Variants in ZNF322 observed in about 807,000 individuals in gnomAD.
ZNF322 encodes zinc finger protein 322, also known as HLA complex group 12.
A neutral mutation model predicts 18.3 loss-of-function variants in ZNF322; 1 was observed. That is an observed-to-expected ratio of 0.05 (90% CI 0.02 to 0.26). The LOEUF is 0.26. Ranked by LOEUF, ZNF322 falls within the 10% of genes least tolerant of loss-of-function variation. ZNF322 has a pLI of 1.00. For synonymous variants in ZNF322, 17 were observed against 130.7 expected (o/e 0.13, Z 5.93); for missense variants, 36 against 403.6 (o/e 0.09, Z 7.80).
intron 2 of ZNF322, among the ~76,000 whole-genome samples, chr6:26,653,335 A>G (rs1163203913): frequency 6.6e-6 from 1 of 152,220 alleles, no homozygotes; most frequent in African/African-American, 2.4e-5. Flanking sequence ...AAAACTAGAT[A>G]TACATTTACT....
chr6:26,649,686 TA>T lies in ZNF322; in HGVS notation c.-245-5959del, dbSNP rs782659430. 5.3e-4 allele frequency among the ~76,000 whole-genome samples: 45 copies of T among 84,190 alleles called. 2 individuals carry two copies. Among genetic ancestry groups the T allele is most frequent in the African/African-American group, 1.2e-3 (23 of 19,258 alleles). The allele number at this position is 84,190 out of a possible 152,430, so 55.2% of individuals were successfully genotyped here. ...GTGTGTGTGTGTGTGTATATATATA[TA>T]TATATATATATATATTTTTTTTTTT... On this transcript the variant is annotated intron_variant, in intron 2 of 3. Coordinates refer to ENST00000415922, the MANE Select transcript of ZNF322 (RefSeq NM_024639.5).
chr6:26,646,073 A>C (rs956552441), intron 2 of ZNF322, among the ~76,000 whole-genome samples: 5 of 134,944 alleles, frequency 3.7e-5, no homozygotes, highest in Admixed American at 7.6e-5. Context: ...ATAAATAAAT[A>C]AATCTAAGTA....
chr6:26,649,420 T>C (rs1554148954), intron 2 of ZNF322, among the ~76,000 whole-genome samples: 3 of 151,686 alleles, frequency 2.0e-5, no homozygotes, highest in Non-Finnish European at 2.9e-5. Context: ...CACATGAAAA[T>C]AGGTACAATT....
At chr6:26,648,945 C>T (rs782204285) in intron 2 of ZNF322, among the ~76,000 whole-genome samples, 1 of 152,148 alleles carries the variant, frequency 6.6e-6, no homozygotes, top group Non-Finnish European at 1.5e-5. Context: ...GCCCACAGGC[C>T]AATTCTGGCC....
chr6:26,639,494 G>T (rs1243264288), intron 3 of ZNF322, among the ~76,000 whole-genome samples: 1 of 152,018 alleles, frequency 6.6e-6, no homozygotes, highest in African/African-American at 2.4e-5. Flanking sequence ...GTAAAAAAAA[G>T]TTTTTTCCTC....
intron 2 of ZNF322, among the ~76,000 whole-genome samples, chr6:26,647,154 A>C (rs1581492467): frequency 6.6e-6 from 1 of 152,074 alleles, no homozygotes; most frequent in Non-Finnish European, 1.5e-5. Flanking sequence ...TAAATAAATA[A>C]GTAGGTATGG....
At chr6:26,646,304 C>T (rs1554148752) in intron 2 of ZNF322, among the ~76,000 whole-genome samples, 1 of 151,946 alleles carries the variant, frequency 6.6e-6, no homozygotes, top group Non-Finnish European at 1.5e-5. Context: ...TAACTATATG[C>T]TAAATACAAG....
chr6:26,651,375 A>G (rs1339039781), intron 2 of ZNF322: 1 of 152,136 alleles, frequency 6.6e-6, no homozygotes, highest in East Asian at 1.9e-4. Context: ...TTACATATGG[A>G]GTATAAAACA....
At chr6:26,640,493 G>GCT (rs1222168922) in intron 3 of ZNF322, among the ~76,000 whole-genome samples, 3 of 151,838 alleles carry the variant, frequency 2.0e-5, no homozygotes, top group African/African-American at 7.3e-5. Flanking sequence ...AATCTTCAAG[G>GCT]CTCTCTCTCT....
At chr6:26,645,837 G>A (rs1468976936) in intron 2 of ZNF322, among the ~76,000 whole-genome samples, 1 of 151,968 alleles carries the variant, frequency 6.6e-6, no homozygotes, top group Admixed American at 6.6e-5. Flanking sequence ...TTCGAGACCA[G>A]CCTGACCAAC....
chr6:26,638,953 G>A (rs1364966780), intron 3 of ZNF322, among the ~76,000 whole-genome samples: 2 of 152,038 alleles, frequency 1.3e-5, no homozygotes, highest in Non-Finnish European at 2.9e-5. Context: ...TATGAATCTG[G>A]GTAATTTTAA....
intron 2 of ZNF322, among the ~76,000 whole-genome samples, chr6:26,655,626 T>C (rs535355410): frequency 2.6e-5 from 4 of 152,352 alleles, no homozygotes; most frequent in African/African-American, 9.6e-5. Context: ...GCTTTGAATG[T>C]GTCCTCCAAA....
At chr6:26,657,354 T>A (rs1183099241) in intron 2 of ZNF322, among the ~76,000 whole-genome samples, 1 of 152,118 alleles carries the variant, frequency 6.6e-6, no homozygotes, top group Non-Finnish European at 1.5e-5. Flanking sequence ...ATGTGGCACC[T>A]CTGCGTTATC....
intron 2 of ZNF322, among the ~76,000 whole-genome samples, chr6:26,647,804 T>C (rs1218668514): frequency 1.3e-5 from 2 of 152,120 alleles, no homozygotes; most frequent in Admixed American, 1.3e-4. Flanking sequence ...CTAATTCTTT[T>C]TGTGAAATAA....
chr6:26,646,383 C>G (rs1396183724), intron 2 of ZNF322, among the ~76,000 whole-genome samples: 1 of 152,084 alleles, frequency 6.6e-6, no homozygotes, highest in Non-Finnish European at 1.5e-5. Flanking sequence ...ACTAGGCAAA[C>G]AGAAACAATA....
chr6:26,645,580 T>C (rs1341294430), intron 2 of ZNF322, among the ~76,000 whole-genome samples: 1 of 152,182 alleles, frequency 6.6e-6, no homozygotes, highest in Non-Finnish European at 1.5e-5. Flanking sequence ...ATATTGTATT[T>C]ATGGCAGGTG....
At chr6:26,654,810 T>C (rs1765735454) in intron 2 of ZNF322, among the ~76,000 whole-genome samples, 1 of 152,098 alleles carries the variant, frequency 6.6e-6, no homozygotes, top group Admixed American at 6.5e-5. Flanking sequence ...ATTTACATAA[T>C]CTGAAAATAT....
At chr6:26,641,995 C>A (rs2113660011) in intron 3 of ZNF322, among the ~76,000 whole-genome samples, 1 of 151,906 alleles carries the variant, frequency 6.6e-6, no homozygotes, top group Non-Finnish European at 1.5e-5. Flanking sequence ...TCCTGCTCAT[C>A]CCTGGGAATG....
chr6:26,639,561 T>C (rs1554148117), intron 3 of ZNF322, among the ~76,000 whole-genome samples: 2 of 151,984 alleles, frequency 1.3e-5, no homozygotes, highest in African/African-American at 4.8e-5. Flanking sequence ...GGATCAAGTA[T>C]CTTAAAAAAA....
Sources: gnomAD v4.1 joint callset for allele counts (sites outside exome capture counted in the v4.1 genomes callset) on GRCh38, gnomAD v4.1.1 for gene constraint, MANE v1.5 for transcripts, NCBI Gene and HGNC (gene_info 2026-07-23, HGNC 2026-07-21) for gene names.